OLFM3: variants seen among roughly 807,000 people sequenced by gnomAD.
OLFM3 encodes the protein noelin-3.
OLFM3 carries 20 observed loss-of-function variants against 48.6 expected under a neutral mutation model. The observed-to-expected ratio is 0.41, with a 90% CI of 0.29 to 0.60. OLFM3 has a LOEUF of 0.60. OLFM3 is among the 20% of genes least tolerant of loss of function. The pLI, the probability that OLFM3 is intolerant of heterozygous loss-of-function variation, is 0.28. For synonymous variants in OLFM3, 222 were observed against 198.1 expected, an observed-to-expected ratio of 1.12 and a Z score of -1.01; for missense variants, 437 against 544.3, an observed-to-expected ratio of 0.80 and a Z score of 1.96.
chr1:101,824,982 CTA>C (rs1477633372), intron 4 of OLFM3, 42 bp downstream of exon 4: 1 of 1,524,444 alleles, frequency 6.6e-7, no homozygotes, highest in South Asian at 1.1e-5. Context: ...TTCTTTGAAA[CTA>C]TATAAAAACG....
At chr1:101,846,832 C>G in intron 1 of OLFM3, 1 of 1,597,472 alleles carries the variant, frequency 6.3e-7, no homozygotes, top group Non-Finnish European at 8.6e-7. Flanking sequence ...CCAAACCCAC[C>G]GCAGTAACTT....
chr1:101,858,790 C>T (rs1656529699), intron 1 of OLFM3, among the ~76,000 whole-genome samples: 1 of 152,062 alleles, frequency 6.6e-6, no homozygotes, highest in South Asian at 2.1e-4. Context: ...GCCTCCCCAG[C>T]CATGCTTCCT....
intron 1 of OLFM3, among the ~76,000 whole-genome samples, chr1:101,886,203 A>G (rs1328070421): frequency 6.6e-6 from 1 of 151,996 alleles, no homozygotes; most frequent in Non-Finnish European, 1.5e-5. Flanking sequence ...TCTCCCCACA[A>G]CCACCCAAGA....
intron 1 of OLFM3, among the ~76,000 whole-genome samples, chr1:101,844,670 G>C (rs775900505): frequency 1.1e-4 from 16 of 152,176 alleles, no homozygotes; most frequent in Non-Finnish European, 1.8e-4. Flanking sequence ...ACAAGCAGTT[G>C]ATTGTGTGGG....
chr1:101,808,551 C>T (rs1653892472), intron 4 of OLFM3, among the ~76,000 whole-genome samples: 1 of 151,814 alleles, frequency 6.6e-6, no homozygotes, highest in Non-Finnish European at 1.5e-5. Context: ...CAATTGATTA[C>T]ATCTTCATCT....
intron 1 of OLFM3, among the ~76,000 whole-genome samples, chr1:101,967,590 G>GAAAAAAAAAAAAAAA (rs71592233): frequency 0.032 from 1,432 of 44,546 alleles, 160 homozygotes; most frequent in East Asian, 0.08. Context: ...CCTAGTCAGT[G>GAAAAAAAAAAAAAAA]AAAAAAAAAA....
At chr1:101,869,856 G>T (rs1433564306) in intron 1 of OLFM3, among the ~76,000 whole-genome samples, 1 of 152,078 alleles carries the variant, frequency 6.6e-6, no homozygotes, top group Non-Finnish European at 1.5e-5. Flanking sequence ...GGACATGTTT[G>T]CTTCCCCTTC....
chr1:101,986,805 A>G (rs1371681469), intron 1 of OLFM3, among the ~76,000 whole-genome samples: 8 of 152,208 alleles, frequency 5.3e-5, no homozygotes, highest in Admixed American at 2.6e-4. Context: ...CCAAAGTTGA[A>G]TACCAGCAGT....
At chr1:101,871,647 A>G (rs1270891566) in intron 1 of OLFM3, among the ~76,000 whole-genome samples, 1 of 152,090 alleles carries the variant, frequency 6.6e-6, no homozygotes, top group Non-Finnish European at 1.5e-5. Flanking sequence ...CTCAGGCACA[A>G]CAAAATCGAA....
At chr1:101,853,108 G>T (rs1021928808) in intron 1 of OLFM3, among the ~76,000 whole-genome samples, 2 of 152,000 alleles carry the variant, frequency 1.3e-5, no homozygotes, top group Admixed American at 1.3e-4. Flanking sequence ...TCATGGTGAA[G>T]GTCAAAATAT....
At chr1:101,856,180 A>C (rs1656402396) in intron 1 of OLFM3, among the ~76,000 whole-genome samples, 1 of 151,908 alleles carries the variant, frequency 6.6e-6, no homozygotes, top group Non-Finnish European at 1.5e-5. Flanking sequence ...TGTGTTTTGA[A>C]AGCTCTAGGC....
chr1:101,857,618 C>A (rs957186204), intron 1 of OLFM3, among the ~76,000 whole-genome samples: 1 of 151,796 alleles, frequency 6.6e-6, no homozygotes, highest in Non-Finnish European at 1.5e-5. Flanking sequence ...CCCCTTCTCT[C>A]TTCCTGCCTT....
intron 1 of OLFM3, among the ~76,000 whole-genome samples, chr1:101,986,115 G>A (rs972592985): frequency 1.3e-5 from 2 of 151,818 alleles, no homozygotes; most frequent in Non-Finnish European, 2.9e-5. Flanking sequence ...ACAGGCGCCC[G>A]CCACCACGCC....
chr1:101,922,457 T>C (rs957770064), intron 1 of OLFM3, among the ~76,000 whole-genome samples: 1 of 152,094 alleles, frequency 6.6e-6, no homozygotes, highest in African/African-American at 2.4e-5. Context: ...TGGGATGCAG[T>C]TGACCTTCAA....
chr1:101,936,409 G>A (rs1314240910), intron 1 of OLFM3, among the ~76,000 whole-genome samples: 2 of 146,198 alleles, frequency 1.4e-5, no homozygotes, highest in African/African-American at 5.1e-5. Flanking sequence ...GCTAACCAGG[G>A]AAATGTAAGA....
At chr1:101,921,952 G>T (rs138099610) in intron 1 of OLFM3, among the ~76,000 whole-genome samples, 1 of 152,006 alleles carries the variant, frequency 6.6e-6, no homozygotes, top group African/African-American at 2.4e-5. Flanking sequence ...CCAGCTACTC[G>T]GGAGGCTGAG....
At chr1:101,925,657 T>A (rs1480898425) in intron 1 of OLFM3, among the ~76,000 whole-genome samples, 1 of 151,986 alleles carries the variant, frequency 6.6e-6, no homozygotes, top group Non-Finnish European at 1.5e-5. Flanking sequence ...TAGCTAGGAC[T>A]ACAGGAACGT....
chr1:101,926,855 C>T (rs1999797), intron 1 of OLFM3, among the ~76,000 whole-genome samples: 74,573 of 151,900 alleles, frequency 0.49, 18,825 homozygotes, highest in East Asian at 0.64. Flanking sequence ...TTTTCTAACA[C>T]TGGATTTTTA....
intron 1 of OLFM3, among the ~76,000 whole-genome samples, chr1:101,954,774 TC>T (rs1660240280): frequency 6.6e-6 from 1 of 152,080 alleles, no homozygotes; most frequent in Non-Finnish European, 1.5e-5. Context: ...TTGGGGTTAG[TC>T]AAAATTTAAA....
Sources: allele counts gnomAD v4.1 joint callset (sites outside exome capture counted in the v4.1 genomes callset), GRCh38; gene constraint gnomAD v4.1.1; transcripts MANE v1.5; gene names NCBI Gene and HGNC (gene_info 2026-07-23, HGNC 2026-07-21).